FAM13A: variants seen among roughly 807,000 people sequenced by gnomAD.
FAM13A encodes family with sequence similarity 13 member A.
A neutral mutation model predicts 129.6 loss-of-function variants in FAM13A; 76 were observed. The observed-to-expected ratio is 0.59, with a 90% CI of 0.49 to 0.71. The LOEUF (loss-of-function observed/expected upper bound fraction) is 0.71. Among genes scored for constraint, FAM13A ranks in the 30% least tolerant of loss-of-function variants. FAM13A has a pLI of 0.00. For missense variants in FAM13A, 1,108 were observed against 1,249.3 expected (o/e 0.89, Z 1.70); for synonymous variants, 443 against 449.9 (o/e 0.98, Z 0.20).
At chr4:88,790,663 T>C (rs548861137) in intron 8 of FAM13A, 36 bp from the exon 9 acceptor site, 3 of 1,594,122 alleles carry the variant, frequency 1.9e-6, no homozygotes, top group South Asian at 1.1e-5. Flanking sequence ...TCAGGTTAGA[T>C]GAAAGATCAG....
At chr4:88,844,789 G>A (rs572844346) in intron 7 of FAM13A, among the ~76,000 whole-genome samples, 11 of 152,278 alleles carry the variant, frequency 7.2e-5, no homozygotes, top group East Asian at 1.9e-4. Flanking sequence ...GATGGTAAGC[G>A]GTGAGGAAGC....
intron 16 of FAM13A, among the ~76,000 whole-genome samples, chr4:88,749,248 G>A (rs1481959523): frequency 6.6e-6 from 1 of 152,104 alleles, no homozygotes; most frequent in Non-Finnish European, 1.5e-5. Flanking sequence ...TTCCTCAGAG[G>A]CAAAATGCAT....
At chr4:88,867,661 G>A (rs1199224252) in intron 6 of FAM13A, among the ~76,000 whole-genome samples, 1 of 152,166 alleles carries the variant, frequency 6.6e-6, no homozygotes, top group African/African-American at 2.4e-5. Context: ...ACTATATTTT[G>A]CATGTTTCAA....
At chr4:88,733,806 A>G (rs955133614) in intron 21 of FAM13A, among the ~76,000 whole-genome samples, 14 of 152,330 alleles carry the variant, frequency 9.2e-5, no homozygotes, top group African/African-American at 3.1e-4. Context: ...AACACCTAAC[A>G]GAGTTAGGGA....
At chr4:88,821,565 G>C (rs1578816887) in intron 7 of FAM13A, among the ~76,000 whole-genome samples, 1 of 152,204 alleles carries the variant, frequency 6.6e-6, no homozygotes, top group Middle Eastern at 3.4e-3. Context: ...TCACATGGCT[G>C]GCTATTAGAG....
At chr4:88,760,281 C>A (rs1390675596) in intron 13 of FAM13A, among the ~76,000 whole-genome samples, 1 of 152,178 alleles carries the variant, frequency 6.6e-6, no homozygotes, top group Admixed American at 6.5e-5. Context: ...TACCATCAAT[C>A]GGGTCCTGAT....
chr4:88,865,393 C>G lies in FAM13A; in HGVS notation c.844-14210G>C, dbSNP rs933357322. Among the ~76,000 whole-genome samples, 58 of 152,188 alleles carry G rather than the reference C, an allele frequency of 3.8e-4. 2 individuals are homozygous for G. The highest frequency in any genetic ancestry group is 1.5e-5 in the Non-Finnish European group (1 of 68,038). ...TAATTTTGAAGTAAAATAAATTCAT[C>G]TGCTTGCAGACAGTAAATAGTTTAT... is the stretch of plus-strand genomic sequence containing the variant. On this transcript the variant is annotated intron_variant, in intron 6 of 23. Transcript: ENST00000264344.
intron 13 of FAM13A, among the ~76,000 whole-genome samples, chr4:88,761,541 C>T (rs1047125605): frequency 1.3e-5 from 2 of 151,864 alleles, no homozygotes; most frequent in Non-Finnish European, 2.9e-5. Context: ...TGAGGGAGGA[C>T]GGCACATCAC....
At position 88,737,756 on chromosome 4, in the gene FAM13A, TAAATC is replaced by T. The variant is rs1399760555; in HGVS notation, c.2563-206_2563-202del. On this transcript the variant is annotated intron_variant, in intron 20 of 23. Transcript: ENST00000264344. ...TGCTTCCCTTCAGCGCCCACACACA[TAAATC>T]AAGGAGGACAGAGTACAGCAAGAAC... 28 of 587,116 alleles carry T rather than the reference TAAATC, an allele frequency of 4.8e-5. No individual in the cohort carries two copies. The East Asian group carries it at 6.6e-4, about 14-fold the overall frequency. 36.4% of individuals were successfully genotyped at this position (587,116 alleles called of 1,614,324 possible).
At chr4:88,877,011 C>T (rs1348053732) in intron 6 of FAM13A, among the ~76,000 whole-genome samples, 4 of 152,156 alleles carry the variant, frequency 2.6e-5, no homozygotes, top group Admixed American at 6.5e-5. Flanking sequence ...ATACATTGAA[C>T]TGGAAAATAT....
intron 6 of FAM13A, among the ~76,000 whole-genome samples, chr4:88,902,653 T>C (rs1010666749): frequency 2.0e-5 from 3 of 152,166 alleles, no homozygotes; most frequent in Non-Finnish European, 2.9e-5. Context: ...GCCAGTATCA[T>C]ACTGAATGAG....
intron 6 of FAM13A, among the ~76,000 whole-genome samples, chr4:88,905,038 GA>G (rs1177867868): frequency 3.9e-5 from 6 of 152,070 alleles, no homozygotes; most frequent in African/African-American, 1.2e-4. Context: ...GCCCAGAAGG[GA>G]AAATGCATCT....
At chr4:88,776,243 C>A (rs759716599) in intron 11 of FAM13A, among the ~76,000 whole-genome samples, 6 of 152,160 alleles carry the variant, frequency 3.9e-5, no homozygotes, top group Admixed American at 3.3e-4. Context: ...GCCTTTCTTC[C>A]TAGGAATGAA....
intron 6 of FAM13A, among the ~76,000 whole-genome samples, chr4:88,876,030 C>G (rs1415548680): frequency 6.6e-6 from 1 of 152,194 alleles, no homozygotes; most frequent in Non-Finnish European, 1.5e-5. Flanking sequence ...TCTCAGCAAA[C>G]TATCGCAAGG....
At chr4:88,984,810 G>A (rs374055847) in intron 4 of FAM13A, among the ~76,000 whole-genome samples, 3 of 152,198 alleles carry the variant, frequency 2.0e-5, no homozygotes, top group African/African-American at 7.2e-5. Context: ...TCCCATTGCT[G>A]ATGGGAATAT....
At position 88,768,066 on chromosome 4, in the gene FAM13A, C is replaced by T. The variant is rs756747295; in HGVS notation, c.1459-7G>A. 6.4e-7 allele frequency: 1 copy of T among 1,573,788 alleles called. No homozygotes were observed. The highest frequency in any genetic ancestry group is 8.7e-7 in the Non-Finnish European group (1 of 1,144,344). On this transcript the variant is annotated splice_region_variant and splice_polypyrimidine_tract_variant and intron_variant, in intron 11 of 23. Transcript: ENST00000264344. The stretch of plus-strand genomic sequence containing the variant: ...AATTGAGACTTTCCATATTCTGTAA[C>T]AGAACCATTATTGGTTGCCTAATAG...
At chr4:88,923,241 C>G (rs1441437314) in intron 5 of FAM13A, among the ~76,000 whole-genome samples, 1 of 152,094 alleles carries the variant, frequency 6.6e-6, no homozygotes, top group East Asian at 1.9e-4. Context: ...GGCAGAGACA[C>G]AACAACAAAA....
intron 6 of FAM13A, among the ~76,000 whole-genome samples, chr4:88,877,688 T>G (rs1742790416): frequency 6.6e-6 from 1 of 152,240 alleles, no homozygotes; most frequent in Non-Finnish European, 1.5e-5. Flanking sequence ...TGCAATGCTA[T>G]TTCACATCTA....
chr4:89,057,157 C>A lies in FAM13A; in HGVS notation c.-193G>T, dbSNP rs1001147538. On this transcript the variant is annotated 5_prime_UTR_variant, in exon 1 of 24. Coordinates refer to ENST00000264344, the MANE Select transcript of FAM13A (RefSeq NM_014883.4). ...GGTTTTGCTTCTCTTTCCGCTGAAC[C>A]CACATGGCTGGAAGGACTGCCTGGA... 8 of 1,432,658 alleles carry A rather than the reference C, an allele frequency of 5.6e-6. No homozygotes were observed. Among genetic ancestry groups the A allele is most frequent in the Non-Finnish European group, 7.3e-6 (8 of 1,095,078 alleles). 88.7% of individuals were successfully genotyped at this position (1,432,658 alleles called of 1,614,324 possible).
Sources: gnomAD v4.1 joint callset for allele counts (sites outside exome capture counted in the v4.1 genomes callset) on GRCh38, gnomAD v4.1.1 for gene constraint, MANE v1.5 for transcripts, NCBI Gene and HGNC (gene_info 2026-07-23, HGNC 2026-07-21) for gene names.